The following STAG1 variants were observed in gnomAD, a reference collection of about 807,000 sequenced individuals.
STAG1 encodes STAG1 cohesin complex component.
STAG1 carries 26 observed loss-of-function variants against 170.9 expected under a neutral mutation model. That is an observed-to-expected ratio of 0.15 (90% CI 0.11 to 0.21). The LOEUF is 0.21. STAG1 is among the 10% of genes least tolerant of loss of function. STAG1 has a pLI of 1.00. For missense variants in STAG1, 964 were observed against 1,509.5 expected (o/e 0.64, Z 5.99); for synonymous variants, 514 against 497.7 (o/e 1.03, Z -0.44).
intron 4 of STAG1, among the ~76,000 whole-genome samples, chr3:136,580,806 T>C (rs956751035): frequency 1.3e-5 from 2 of 152,158 alleles, no homozygotes; most frequent in Non-Finnish European, 2.9e-5. Context: ...GTGCTGGGAT[T>C]ACAGGCGTGA....
At chr3:136,712,350 T>C (rs887648058) in intron 1 of STAG1, among the ~76,000 whole-genome samples, 4 of 151,996 alleles carry the variant, frequency 2.6e-5, no homozygotes, top group Non-Finnish European at 5.9e-5. Context: ...AGATACCATA[T>C]AAAAAGGCAC....
chr3:136,440,079 A>G (rs1431976171), intron 15 of STAG1, among the ~76,000 whole-genome samples: 1 of 152,206 alleles, frequency 6.6e-6, no homozygotes, highest in African/African-American at 2.4e-5. Context: ...TCTTATTAAC[A>G]TGAGAGAAAG....
chr3:136,510,374 C>T (rs1283003910), intron 7 of STAG1, among the ~76,000 whole-genome samples: 1 of 152,066 alleles, frequency 6.6e-6, no homozygotes, highest in Non-Finnish European at 1.5e-5. Flanking sequence ...ACTGCAACCC[C>T]CGCCTCCCTG....
chr3:136,746,431 CT>C (rs1257240791), intron 1 of STAG1, among the ~76,000 whole-genome samples: 3 of 149,984 alleles, frequency 2.0e-5, no homozygotes, highest in African/African-American at 4.9e-5. Flanking sequence ...AAATGATGAG[CT>C]AAAAAAAAAA....
intron 1 of STAG1, among the ~76,000 whole-genome samples, chr3:136,695,460 A>C (rs909890549): frequency 6.6e-6 from 1 of 151,930 alleles, no homozygotes; most frequent in Non-Finnish European, 1.5e-5. Flanking sequence ...AGAGAGAGAC[A>C]GACCGTAATG....
At chr3:136,427,830 G>T (rs1365236087) in intron 16 of STAG1, among the ~76,000 whole-genome samples, 1 of 152,152 alleles carries the variant, frequency 6.6e-6, no homozygotes, top group Non-Finnish European at 1.5e-5. Flanking sequence ...TTAAAAAAGT[G>T]AAGTCATATA....
intron 16 of STAG1, among the ~76,000 whole-genome samples, chr3:136,427,437 G>T (rs1243595173): frequency 6.6e-6 from 1 of 152,080 alleles, no homozygotes; most frequent in Non-Finnish European, 1.5e-5. Context: ...AGTCAAAAGT[G>T]ATCTTGTGGT....
intron 13 of STAG1, among the ~76,000 whole-genome samples, chr3:136,458,498 T>A (rs1163579871): frequency 6.6e-6 from 1 of 152,064 alleles, no homozygotes; most frequent in African/African-American, 2.4e-5. Flanking sequence ...TTTACAAGCC[T>A]CAGTGTAATC....
chr3:136,347,109 A>G (rs939882218), intron 29 of STAG1, among the ~76,000 whole-genome samples: 4 of 150,664 alleles, frequency 2.7e-5, no homozygotes, highest in Non-Finnish European at 5.9e-5. Flanking sequence ...AAAGAAAAAC[A>G]AAAGGCCAGG....
intron 1 of STAG1, among the ~76,000 whole-genome samples, chr3:136,660,067 G>A (rs1392204746): frequency 6.6e-6 from 1 of 152,208 alleles, no homozygotes; most frequent in African/African-American, 2.4e-5. Context: ...CATGCAGCAT[G>A]TGCGTGTGCG....
At chr3:136,653,247 G>A (rs1576718995) in intron 1 of STAG1, among the ~76,000 whole-genome samples, 1 of 151,592 alleles carries the variant, frequency 6.6e-6, no homozygotes, top group South Asian at 2.1e-4. Flanking sequence ...ACTCCAGCCT[G>A]GGCAACAAGA....
chr3:136,392,491 G>A (rs1167131065), intron 22 of STAG1, among the ~76,000 whole-genome samples: 1 of 152,042 alleles, frequency 6.6e-6, no homozygotes, highest in East Asian at 1.9e-4. Context: ...ACCAGGCTGG[G>A]CGCAGTGGCT....
At chr3:136,427,007 C>T (rs2088146920) in intron 16 of STAG1, among the ~76,000 whole-genome samples, 2 of 151,486 alleles carry the variant, frequency 1.3e-5, no homozygotes, top group Non-Finnish European at 1.5e-5. Context: ...TTGCAGTGAG[C>T]CGAGATCGCG....
At chr3:136,691,342 G>T (rs1047021168) in intron 1 of STAG1, among the ~76,000 whole-genome samples, 17 of 151,868 alleles carry the variant, frequency 1.1e-4, no homozygotes, top group African/African-American at 3.6e-4. Context: ...GGCTGCGGCA[G>T]AAGAATGGCA....
At chr3:136,466,493 T>G (rs1486523460) in intron 12 of STAG1, among the ~76,000 whole-genome samples, 1 of 152,060 alleles carries the variant, frequency 6.6e-6, no homozygotes, top group Non-Finnish European at 1.5e-5. Flanking sequence ...CCAAGAAATA[T>G]GGGACTACGT....
chr3:136,363,567 AAAAG>A (rs922265529), intron 25 of STAG1, 100 bp from the exon 26 acceptor site: 2 of 498,984 alleles, frequency 4.0e-6, no homozygotes, highest in South Asian at 3.8e-5. Flanking sequence ...AAAAAAAAAA[AAAAG>A]AACAGGTTGG....
At chr3:136,749,900 G>A (rs555385979) in intron 1 of STAG1, among the ~76,000 whole-genome samples, 27 of 147,582 alleles carry the variant, frequency 1.8e-4, no homozygotes, top group South Asian at 1.3e-3. Context: ...TGTGAAATTT[G>A]TTATGCATTA....
intron 4 of STAG1, among the ~76,000 whole-genome samples, chr3:136,592,838 G>T (rs2107794630): frequency 6.6e-6 from 1 of 152,322 alleles, no homozygotes; most frequent in East Asian, 1.9e-4. Flanking sequence ...AATAGGCAGG[G>T]CAAAGTCCAG....
At chr3:136,544,302 TCTC>T (rs1445338882) in intron 5 of STAG1, among the ~76,000 whole-genome samples, 2 of 152,114 alleles carry the variant, frequency 1.3e-5, no homozygotes, top group African/African-American at 4.8e-5. Context: ...CATTTTCAAT[TCTC>T]CTCCTCTATT....
Sources: gnomAD v4.1 joint callset for allele counts (sites outside exome capture counted in the v4.1 genomes callset) on GRCh38, gnomAD v4.1.1 for gene constraint, MANE v1.5 for transcripts, NCBI Gene and HGNC (gene_info 2026-07-23, HGNC 2026-07-21) for gene names.